Variants in SLC22A25 observed in about 807,000 individuals in gnomAD.
SLC22A25 encodes MGI:2442751, MGI:2385316, MGI:3042283, MGI:3645714, MGI:3605624, MGI:2442750.
SLC22A25 carries 44 observed loss-of-function variants against 45.9 expected under a neutral mutation model. That is an observed-to-expected ratio of 0.96 (90% CI 0.75 to 1.23). The LOEUF is 1.23. Among genes scored for constraint, SLC22A25 ranks in the 50% most tolerant of loss-of-function variants. SLC22A25 has a pLI of 0.00. For synonymous variants in SLC22A25, 283 were observed against 238.6 expected (o/e 1.19, Z -1.72); for missense variants, 800 against 666.4 (o/e 1.20, Z -2.21).
intron 3 of SLC22A25, among the ~76,000 whole-genome samples, chr11:63,232,349 A>G (rs1433164137): frequency 6.6e-6 from 1 of 152,092 alleles, no homozygotes; most frequent in African/African-American, 2.4e-5. Context: ...GGTCCTTCAC[A>G]TCCCTTTTAA....
intron 3 of SLC22A25, among the ~76,000 whole-genome samples, chr11:63,234,829 C>A (rs182858065): frequency 6.6e-6 from 1 of 152,290 alleles, no homozygotes; most frequent in Admixed American, 6.5e-5. Flanking sequence ...TTAGGGCATG[C>A]CTGGTGGTGA....
intron 7 of SLC22A25, among the ~76,000 whole-genome samples, chr11:63,185,648 T>G (rs1269310538): frequency 6.9e-4 from 102 of 147,328 alleles, no homozygotes; most frequent in African/African-American, 2.4e-3. Context: ...ACCCACTAAC[T>G]CGTCATCTAG....
intron 5 of SLC22A25, among the ~76,000 whole-genome samples, chr11:63,224,355 G>T (rs2089914109): frequency 6.6e-6 from 1 of 152,162 alleles, no homozygotes; most frequent in African/African-American, 2.4e-5. Flanking sequence ...GTAGGCAACA[G>T]ATCATTGTTT....
intron 8 of SLC22A25, among the ~76,000 whole-genome samples, chr11:63,182,613 G>C (rs2088370433): frequency 6.6e-6 from 1 of 151,146 alleles, no homozygotes; most frequent in Non-Finnish European, 1.5e-5. Context: ...TATTCTATTG[G>C]GATGCCTGTG....
chr11:63,228,319 A>G, intron 5 of SLC22A25, 142 bp downstream of exon 5: 1 of 623,180 alleles, frequency 1.6e-6, no homozygotes, highest in South Asian at 2.1e-5. Flanking sequence ...CACTCACCAT[A>G]ATTTTCCTTT....
chr11:63,173,894 C>CT (rs1295523448), intron 9 of SLC22A25, among the ~76,000 whole-genome samples: 3 of 120,086 alleles, frequency 2.5e-5, no homozygotes, highest in South Asian at 5.9e-4. Context: ...GTTGGATTTT[C>CT]TTTTCTTTTT....
At chr11:63,164,271 C>A (rs1268870286) in intron 11 of SLC22A25, among the ~76,000 whole-genome samples, 198 bp from the exon 12 acceptor site, 6 of 152,184 alleles carry the variant, frequency 3.9e-5, no homozygotes. Flanking sequence ...TTATCATTTA[C>A]AAAATGCTAT....
At chr11:63,235,182 T>C (rs1428106418) in intron 3 of SLC22A25, among the ~76,000 whole-genome samples, 3 of 152,236 alleles carry the variant, frequency 2.0e-5, no homozygotes, top group African/African-American at 7.2e-5. Context: ...TGAGTTTGAA[T>C]GTTGGCCTGC....
intron 3 of SLC22A25, among the ~76,000 whole-genome samples, chr11:63,237,521 G>T (rs1468752660): frequency 1.3e-5 from 2 of 152,046 alleles, no homozygotes; most frequent in Non-Finnish European, 2.9e-5. Flanking sequence ...CCAAACTCTT[G>T]GACTTCCAAG....
intron 7 of SLC22A25, among the ~76,000 whole-genome samples, chr11:63,188,120 A>G (rs576795261): frequency 1.3e-5 from 2 of 152,266 alleles, no homozygotes; most frequent in African/African-American, 4.8e-5. Context: ...AGAAGGAATG[A>G]TACCAGCTCC....
At chr11:63,224,828 G>A (rs1037714722) in intron 5 of SLC22A25, among the ~76,000 whole-genome samples, 1 of 152,122 alleles carries the variant, frequency 6.6e-6, no homozygotes, top group Admixed American at 6.5e-5. Flanking sequence ...GGCTGGGGGC[G>A]GTGGCTGACG....
intron 7 of SLC22A25, among the ~76,000 whole-genome samples, chr11:63,201,431 G>A (rs551946165): frequency 1.3e-5 from 2 of 152,262 alleles, no homozygotes; most frequent in Non-Finnish European, 2.9e-5. Flanking sequence ...TCAATAAATG[G>A]TGCTATGATA....
In SLC22A25 at chr11:63,163,884, C is replaced by A. The variant is rs1160798271; in HGVS notation, c.1584G>T (p.Gln528His). The change falls in exon 12 of 12, where the codon CAG (glutamine) becomes CAT (histidine). Residue 528 changes from glutamine to histidine, a missense_variant. Physicochemically the swap from Gln to His is conservative, Grantham distance 24 (BLOSUM62 0). Coordinates refer to ENST00000306494, the MANE Select transcript of SLC22A25 (RefSeq NM_199352.6). ...TRNQPLLDSI[Q>H]DVENEGVNSL... ...TATTTACTCCCTCATTTTCCACATC[C>A]TGGATGCTGTCAAGAAGAGGCTGGT... 5 of 1,613,812 alleles carry A rather than the reference C, an allele frequency of 3.1e-6. No individual in the cohort carries two copies. The highest frequency in any genetic ancestry group is 1.3e-5 in the African/African-American group (1 of 74,906).
At chr11:63,191,376 G>A (rs187932602) in intron 7 of SLC22A25, among the ~76,000 whole-genome samples, 155 of 152,330 alleles carry the variant, frequency 1.0e-3, no homozygotes, top group African/African-American at 2.7e-3. Context: ...CTGGTATGCC[G>A]TTTGCTAAGA....
rs968093468 is a variant in SLC22A25 at position 63,161,732 on chromosome 11, T to C, written c.*2092A>G. Among the ~76,000 whole-genome samples the C allele has an allele frequency of 3.9e-5, 6 of 152,232 alleles. No individual in the cohort carries two copies. Among genetic ancestry groups the C allele is most frequent in the Admixed American group, 2.0e-4 (3 of 15,288 alleles). On this transcript the variant is annotated 3_prime_UTR_variant, in exon 12 of 12. Transcript: ENST00000306494. ...TTAAACCTCTTTCCTTTGTAAATTA[T>C]CCAGTCTCAGGTATGTTTTTAACAG...
intron 7 of SLC22A25, among the ~76,000 whole-genome samples, chr11:63,216,578 A>T (rs2089716599): frequency 6.6e-6 from 1 of 152,210 alleles, no homozygotes; most frequent in Non-Finnish European, 1.5e-5. Context: ...TTGCAGGGAC[A>T]TGGATGGAGC....
chr11:63,186,061 T>G (rs2088529411), intron 7 of SLC22A25, among the ~76,000 whole-genome samples: 2 of 151,590 alleles, frequency 1.3e-5, no homozygotes, highest in African/African-American at 4.9e-5. Context: ...ATATACCCAG[T>G]AATGGGATGG....
chr11:63,235,962 T>C (rs992436666), intron 3 of SLC22A25, among the ~76,000 whole-genome samples: 2 of 152,160 alleles, frequency 1.3e-5, no homozygotes, highest in African/African-American at 4.8e-5. Context: ...ACAGCAGATA[T>C]TGGTGAACTG....
At position 63,217,851 on chromosome 11, in the gene SLC22A25, T is replaced by TA. The variant is rs1327488777; in HGVS notation, c.507-117dup. Reference sequence around the variant, plus strand: ...TGTTTAACAAGTGAAACTTTACACTTAAAACGTTAAAGAATCAACAGTTAA... The same window carrying TA: ...TGTTTAACAAGTGAAACTTTACACTTAAAAACGTTAAAGAATCAACAGTTAA... On this transcript the variant is annotated intron_variant, in intron 5 of 11. Coordinates refer to ENST00000306494, the MANE Select transcript of SLC22A25 (RefSeq NM_199352.6). The TA allele has an allele frequency of 9.8e-6, 12 of 1,227,466 alleles. No individual in the cohort carries two copies. The African/African-American group carries it at 1.4e-4, about 14-fold the overall frequency. 76.0% of individuals were successfully genotyped at this position (1,227,466 alleles called of 1,614,324 possible).
Sources: allele counts gnomAD v4.1 joint callset (sites outside exome capture counted in the v4.1 genomes callset), GRCh38; gene constraint gnomAD v4.1.1; transcripts MANE v1.5; gene names NCBI Gene and HGNC (gene_info 2026-07-23, HGNC 2026-07-21).